IQGAP2: variants seen among roughly 807,000 people sequenced by gnomAD.
The protein encoded by IQGAP2 is ras GTPase-activating-like protein IQGAP2.
Under a neutral mutation model 201.3 loss-of-function variants are expected in IQGAP2, and 173 were observed. The observed-to-expected ratio is 0.86, with a 90% CI of 0.76 to 0.98. The LOEUF is 0.98. Ranked by LOEUF, IQGAP2 falls within the 50% of genes least tolerant of loss-of-function variation. IQGAP2 has a pLI of 0.00. For synonymous variants in IQGAP2, 675 were observed against 673.9 expected (o/e 1.00, Z -0.03); for missense variants, 1,687 against 1,864.8 (o/e 0.90, Z 1.76).
intron 27 of IQGAP2, among the ~76,000 whole-genome samples, chr5:76,676,077 TCACACACACACACACACACACACA>T (rs34099080): frequency 1.3e-4 from 17 of 135,670 alleles, no homozygotes; most frequent in African/African-American, 4.5e-4. Context: ...TAAGACTCTG[TCACACACACACACACACACACACA>T]CACACACACA....
chr5:76,631,631 G>C (rs1750713837), intron 14 of IQGAP2, among the ~76,000 whole-genome samples: 1 of 152,126 alleles, frequency 6.6e-6, no homozygotes, highest in African/African-American at 2.4e-5. Flanking sequence ...TGAGTAACCA[G>C]GAAAGACTAT....
At chr5:76,520,787 C>G (rs187517480) in intron 2 of IQGAP2, among the ~76,000 whole-genome samples, 1 of 148,146 alleles carries the variant, frequency 6.8e-6, no homozygotes, top group African/African-American at 2.5e-5. Context: ...GGCTCACTGC[C>G]GACTCCGCCT....
intron 9 of IQGAP2, among the ~76,000 whole-genome samples, chr5:76,594,138 A>G (rs1017772428): frequency 6.6e-6 from 1 of 152,164 alleles, no homozygotes; most frequent in Non-Finnish European, 1.5e-5. Context: ...CATGTTACTG[A>G]TGATACATGA....
chr5:76,481,704 G>A (rs1755802990), intron 2 of IQGAP2, among the ~76,000 whole-genome samples: 1 of 152,170 alleles, frequency 6.6e-6, no homozygotes, highest in South Asian at 2.1e-4. Flanking sequence ...AAATATTAAT[G>A]AGATATGCTA....
intron 2 of IQGAP2, among the ~76,000 whole-genome samples, chr5:76,496,295 G>A (rs1310710002): frequency 1.3e-5 from 2 of 152,180 alleles, no homozygotes; most frequent in African/African-American, 2.4e-5. Context: ...AGTGTTGACT[G>A]GGACTGGGTT....
intron 30 of IQGAP2, among the ~76,000 whole-genome samples, chr5:76,689,766 A>G (rs1328936330): frequency 6.6e-6 from 1 of 152,194 alleles, no homozygotes; most frequent in East Asian, 1.9e-4. Context: ...AATGTAAATT[A>G]TCTTGTTAGG....
chr5:76,658,431 T>G (rs1561559514), intron 20 of IQGAP2, 28 bp from the exon 21 acceptor site: 1 of 1,553,636 alleles, frequency 6.4e-7, no homozygotes, highest in Non-Finnish European at 8.9e-7. Context: ...CTTTCCTAAT[T>G]AAAGTATACC....
At chr5:76,618,166 T>G (rs1229148182) in intron 13 of IQGAP2, 1 of 1,614,116 alleles carries the variant, frequency 6.2e-7, no homozygotes, top group Non-Finnish European at 8.5e-7. Flanking sequence ...AGGAGCAGAA[T>G]GGAGCAGTAC....
At chr5:76,604,611 C>T (rs1037285925) in intron 11 of IQGAP2, among the ~76,000 whole-genome samples, 1 of 152,054 alleles carries the variant, frequency 6.6e-6, no homozygotes, top group African/African-American at 2.4e-5. Context: ...TTTCTCATTT[C>T]ACTCCTGTTG....
chr5:76,420,021 C>T (rs931913157), intron 1 of IQGAP2, among the ~76,000 whole-genome samples: 3 of 152,174 alleles, frequency 2.0e-5, no homozygotes, highest in African/African-American at 7.2e-5. Flanking sequence ...TCCTCAAGGC[C>T]TTCCCCAGCC....
At chr5:76,615,528 T>C (rs1580614214) in intron 13 of IQGAP2, 1 of 152,336 alleles carries the variant, frequency 6.6e-6, no homozygotes, top group South Asian at 2.1e-4. Context: ...GTATGAAATA[T>C]ACAGTCAAGG....
At chr5:76,589,125 A>AAT (rs1746453460) in intron 6 of IQGAP2, 152 bp downstream of exon 6, 1 of 381,182 alleles carries the variant, frequency 2.6e-6, no homozygotes, top group Admixed American at 4.3e-5. Flanking sequence ...CATCCTGACT[A>AAT]ACAGTGAAAC....
rs557567514 is a variant in IQGAP2 at position 76,633,458 on chromosome 5, AT to A, written c.1780+1436del. Among the ~76,000 whole-genome samples, 603 of 152,160 alleles carry A rather than the reference AT, an allele frequency of 4.0e-3. 4 individuals carry two copies. The highest frequency in any genetic ancestry group is 0.014 in the African/African-American group (572 of 41,504). On this transcript the variant is annotated intron_variant, in intron 15 of 35. Transcript: ENST00000274364. Reference sequence around the variant, plus strand: ...TATTCCTAAGTATTTTATCATTTTTATTTTATTGTAAATATTGTTTTTTAAT... The same window carrying A: ...TATTCCTAAGTATTTTATCATTTTTATTTATTGTAAATATTGTTTTTTAAT...
At chr5:76,566,370 A>G (rs1288554643) in intron 3 of IQGAP2, among the ~76,000 whole-genome samples, 1 of 152,200 alleles carries the variant, frequency 6.6e-6, no homozygotes, top group East Asian at 1.9e-4. Context: ...TGTGCAGTCA[A>G]GGGTGGGCAC....
chr5:76,593,076 G>C, intron 9 of IQGAP2, 151 bp downstream of exon 9: 1 of 635,088 alleles, frequency 1.6e-6, no homozygotes, highest in Non-Finnish European at 2.8e-6. Flanking sequence ...TCTTAATTAT[G>C]GTGCAGCATT....
chr5:76,521,964 C>T (rs928364754), intron 2 of IQGAP2, among the ~76,000 whole-genome samples: 1 of 151,512 alleles, frequency 6.6e-6, no homozygotes, highest in Admixed American at 6.6e-5. Flanking sequence ...AAAAAAAATG[C>T]AACCAACAGA....
At chr5:76,618,926 C>T (rs988898129) in intron 13 of IQGAP2, among the ~76,000 whole-genome samples, 2 of 152,116 alleles carry the variant, frequency 1.3e-5, no homozygotes, top group African/African-American at 4.8e-5. Flanking sequence ...ACATTATAGG[C>T]ATGTTGACTA....
intron 1 of IQGAP2, among the ~76,000 whole-genome samples, chr5:76,459,586 T>G (rs765934132): frequency 6.6e-6 from 1 of 152,092 alleles, no homozygotes; most frequent in Non-Finnish European, 1.5e-5. Flanking sequence ...GATGGAGGAT[T>G]AGGTGATGGT....
Position 76,403,680 on chromosome 5 carries a change from C to A in IQGAP2, c.46+89C>A. 1.7e-6 allele frequency: 2 copies of A among 1,176,664 alleles called. No individual in the cohort carries two copies. The highest frequency in any genetic ancestry group is 2.3e-6 in the Non-Finnish European group (2 of 880,050). The allele number at this position is 1,176,664 out of a possible 1,614,324, so 72.9% of individuals were successfully genotyped here. ...TTGGAGAAGCCGAGGGAGCCGGTTG[C>A]GCGGCGCAGAGGAAATTGGAAGGCA... On this transcript the variant is annotated intron_variant, in intron 1 of 35. Coordinates refer to ENST00000274364, the MANE Select transcript of IQGAP2 (RefSeq NM_006633.5). This position sits in a 1 kb window ranked among gnomAD's most constrained non-coding sequence, Gnocchi z 4.8.
Sources: gnomAD v4.1 joint callset for allele counts (sites outside exome capture counted in the v4.1 genomes callset) on GRCh38, gnomAD v4.1.1 for gene constraint, Gnocchi (gnomAD v3.1) non-coding constraint, MANE v1.5 for transcripts, NCBI Gene and HGNC (gene_info 2026-07-23, HGNC 2026-07-21) for gene names.